Variants in FRMPD4 observed in about 807,000 individuals in gnomAD.
The protein encoded by FRMPD4 is FERM and PDZ domain containing 4.
Under a neutral mutation model 94.1 loss-of-function variants are expected in FRMPD4, and 22 were observed. That is an observed-to-expected ratio of 0.23 (90% CI 0.17 to 0.33). FRMPD4 has a LOEUF of 0.33. Ranked by LOEUF, FRMPD4 falls within the 10% of genes least tolerant of loss-of-function variation. The pLI, the probability that FRMPD4 is intolerant of heterozygous loss-of-function variation, is 1.00. For missense variants in FRMPD4, 1,111 were observed against 1,339.9 expected (o/e 0.83, Z 2.67); for synonymous variants, 631 against 548.6 (o/e 1.15, Z -2.10).
At chrX:12,271,924 A>G (rs2054360196) in intron 1 of FRMPD4, among the ~76,000 whole-genome samples, 1 of 111,869 alleles carries the variant, frequency 8.9e-6, no homozygotes, top group Non-Finnish European at 1.9e-5. Context: ...TATAGATGTT[A>G]TTGGTTCAAG....
At chrX:12,236,681 A>G (rs900990735) in intron 1 of FRMPD4, among the ~76,000 whole-genome samples, 10 of 111,949 alleles carry the variant, frequency 8.9e-5, no homozygotes, top group African/African-American at 3.2e-4. Context: ...AAAATACCTG[A>G]TAAAACAAGA....
At chrX:12,267,409 C>T (rs2054292490) in intron 1 of FRMPD4, among the ~76,000 whole-genome samples, 1 of 111,951 alleles carries the variant, frequency 8.9e-6, no homozygotes, top group Non-Finnish European at 1.9e-5. Context: ...CCAAATAGCG[C>T]CTTCTTTTTT....
At chrX:11,921,767 T>C (rs1326005891) in intron 3 of FRMPD4, among the ~76,000 whole-genome samples, 1 of 112,170 alleles carries the variant, frequency 8.9e-6, no homozygotes, top group African/African-American at 3.2e-5. Flanking sequence ...AAATAAACTT[T>C]TGTTGTCATA....
At chrX:12,271,606 C>T (rs1039500382) in intron 1 of FRMPD4, among the ~76,000 whole-genome samples, 1 of 112,173 alleles carries the variant, frequency 8.9e-6, no homozygotes, top group African/African-American at 3.2e-5. Flanking sequence ...CTTTGCTGCT[C>T]ACCTGTGCCA....
chrX:12,550,683 T>C (rs2058525621), intron 2 of FRMPD4, among the ~76,000 whole-genome samples: 1 of 111,077 alleles, frequency 9.0e-6, no homozygotes, highest in African/African-American at 3.3e-5. Flanking sequence ...AGCACTTTTT[T>C]TTCTTTTGGA....
chrX:12,331,661 TATATAA>T (rs1254304236), intron 1 of FRMPD4, among the ~76,000 whole-genome samples: 2 of 76,006 alleles, frequency 2.6e-5, no homozygotes, highest in Non-Finnish European at 4.6e-5. Context: ...ATTTATATAA[TATATAA>T]ATATATAAAT....
intron 3 of FRMPD4, among the ~76,000 whole-genome samples, chrX:11,987,098 TAAAAAAAAAAAAAAAAAAA>T (rs35377550): frequency 4.6e-5 from 1 of 21,853 alleles, no homozygotes; most frequent in East Asian, 1.2e-3. Context: ...AAAGACACAT[TAAAAAAAAAAAAAAAAAAA>T]AAAAAAAAAA....
chrX:12,450,641 T>C (rs1032135896), intron 1 of FRMPD4, among the ~76,000 whole-genome samples: 3 of 110,986 alleles, frequency 2.7e-5, no homozygotes, highest in Non-Finnish European at 5.7e-5. Flanking sequence ...TAACTGCTCA[T>C]ACTCATACTT....
chrX:12,543,987 C>CA (rs1206122545), intron 2 of FRMPD4, among the ~76,000 whole-genome samples: 1 of 105,783 alleles, frequency 9.5e-6, no homozygotes, highest in South Asian at 4.4e-4. Context: ...ATTGCAGGGA[C>CA]AAAAAACCAA....
intron 1 of FRMPD4, among the ~76,000 whole-genome samples, chrX:12,321,647 C>A (rs1044704719): frequency 1.1e-4 from 12 of 111,805 alleles, no homozygotes; most frequent in African/African-American, 3.9e-4. Context: ...TGGGATCTAA[C>A]CTCATTGTAA....
At chrX:11,923,158 G>A (rs2054067596) in intron 3 of FRMPD4, among the ~76,000 whole-genome samples, 1 of 113,010 alleles carries the variant, frequency 8.8e-6, no homozygotes. Context: ...GCATGGGCAG[G>A]TTTTGCTTTA....
At chrX:12,258,459 C>G (rs1390104520) in intron 1 of FRMPD4, among the ~76,000 whole-genome samples, 1 of 111,105 alleles carries the variant, frequency 9.0e-6, no homozygotes, top group East Asian at 2.8e-4. Flanking sequence ...AAGTCCCTCA[C>G]CAAATGTGGC....
chrX:12,572,257 C>T (rs2058767226), intron 2 of FRMPD4, among the ~76,000 whole-genome samples: 1 of 112,220 alleles, frequency 8.9e-6, no homozygotes. Flanking sequence ...TCCCAGATAA[C>T]TGTAAGACAC....
In FRMPD4 at chrX:11,916,332, T is replaced by C. The variant is rs775768881; in HGVS notation, c.95+38314T>C. 2.2e-4 allele frequency among the ~76,000 whole-genome samples: 25 copies of C among 111,311 alleles called. 1 individual carries two copies. The South Asian group carries it at 3.8e-3, about 17-fold the overall frequency. The stretch of plus-strand genomic sequence containing the variant: ...GAAGAAGAGGCTAGATTTTATTTTA[T>C]AAATAAGGAGCCAGTGAAGGTTTCT... On this transcript the variant is annotated intron_variant, in intron 3 of 18. Transcript: ENST00000640291.
At chrX:12,423,800 C>G (rs1003030352) in intron 1 of FRMPD4, among the ~76,000 whole-genome samples, 1 of 111,934 alleles carries the variant, frequency 8.9e-6, no homozygotes, top group Non-Finnish European at 1.9e-5. Flanking sequence ...AAACTTCATG[C>G]AATGATGTTA....
intron 1 of FRMPD4, among the ~76,000 whole-genome samples, chrX:12,231,012 A>ATGTG (rs1357310733): frequency 2.2e-4 from 12 of 55,694 alleles, no homozygotes; most frequent in South Asian, 8.7e-4. Context: ...AATATATAGT[A>ATGTG]TATATAGTAT....
At chrX:12,025,183 G>A (rs1397607206) in intron 3 of FRMPD4, among the ~76,000 whole-genome samples, 2 of 108,846 alleles carry the variant, frequency 1.8e-5, no homozygotes, top group Non-Finnish European at 3.8e-5. Flanking sequence ...TCTTGGTCTT[G>A]AATCCTTTTC....
intron 1 of FRMPD4, among the ~76,000 whole-genome samples, chrX:12,152,498 A>G (rs922584825): frequency 9.9e-5 from 11 of 111,474 alleles, no homozygotes; most frequent in Admixed American, 3.8e-4. Flanking sequence ...AAGAAAATCT[A>G]TTTAGACAAC....
chrX:12,055,958 G>A (rs2054851962), intron 3 of FRMPD4, among the ~76,000 whole-genome samples: 1 of 111,548 alleles, frequency 9.0e-6, no homozygotes, highest in Admixed American at 9.5e-5. Context: ...TAAAATAAAG[G>A]TAAAATTTCC....
Sources: gnomAD v4.1 joint callset for allele counts (sites outside exome capture counted in the v4.1 genomes callset) on GRCh38, gnomAD v4.1.1 for gene constraint, MANE v1.5 for transcripts, NCBI Gene and HGNC (gene_info 2026-07-23, HGNC 2026-07-21) for gene names.